The following ARHGEF1 variants were observed in gnomAD, a reference collection of about 807,000 sequenced individuals.
ARHGEF1 encodes Rho guanine nucleotide exchange factor 1.
In ARHGEF1, 40 loss-of-function variants were observed where a neutral mutation model predicts 119.7. The ratio of observed to expected loss-of-function variants is 0.33; its 90% confidence interval spans 0.26 to 0.44. The LOEUF (loss-of-function observed/expected upper bound fraction) is 0.44, where lower values mean the gene tolerates loss of function less well. Ranked by LOEUF, ARHGEF1 falls within the 20% of genes least tolerant of loss-of-function variation. The probability of loss-of-function intolerance (pLI) is 1.00; values close to 1 mark genes in which losing one functional copy is unlikely to be tolerated. For missense variants in ARHGEF1, 976 were observed against 1,268.3 expected, an observed-to-expected ratio of 0.77 and a Z score of 3.50; for synonymous variants, 494 against 521.0, an observed-to-expected ratio of 0.95 and a Z score of 0.71.
At chr19:41,914,381 A>C (rs1599673866) in intron 18 of ARHGEF1, among the ~76,000 whole-genome samples, 2 of 132,110 alleles carry the variant, frequency 1.5e-5, no homozygotes, top group Admixed American at 7.5e-5. Context: ...CTCTCTCCCC[A>C]CCTCACTGCC....
downstream of ARHGEF1, chr19:41,910,220 C>T: frequency 1.0e-6 from 1 of 979,012 alleles, no homozygotes; most frequent in Non-Finnish European, 1.5e-6. This position sits in a 1 kb window ranked among gnomAD's most constrained non-coding sequence, Gnocchi z 4.4. Context: ...TCTTTAGGGA[C>T]CTGGTTTCCA....
downstream of ARHGEF1, chr19:41,909,132 C>A: frequency 8.1e-7 from 1 of 1,231,912 alleles, no homozygotes; most frequent in African/African-American, 1.6e-5. The surrounding 1 kb of genome is among the most constrained non-coding windows in gnomAD (Gnocchi z 5.2). Context: ...GGTGTCCGGG[C>A]CCCTGGCTCT....
At chr19:41,895,850 G>A (rs1555847443) in intron 12 of ARHGEF1, among the ~76,000 whole-genome samples, 3 of 152,162 alleles carry the variant, frequency 2.0e-5, no homozygotes, top group African/African-American at 7.2e-5. Flanking sequence ...AGCCCCATGA[G>A]CTTCATCCCT....
At chr19:41,887,037 G>A (rs1222517463) in intron 1 of ARHGEF1, among the ~76,000 whole-genome samples, 1 of 152,226 alleles carries the variant, frequency 6.6e-6, no homozygotes, top group Non-Finnish European at 1.5e-5. Flanking sequence ...GAGAAAAAGG[G>A]ATGGAGAGAT....
Position 41,903,599 on chromosome 19 carries a change from C to A in ARHGEF1, c.1840-108C>A. The A allele has an allele frequency of 7.8e-7, 1 of 1,275,088 alleles. No homozygotes were observed. The highest frequency in any genetic ancestry group is 1.1e-6 in the Non-Finnish European group (1 of 902,244). 79.0% of individuals were successfully genotyped at this position (1,275,088 alleles called of 1,614,324 possible). A position where few individuals can be genotyped will look rare whatever the true frequency, so the allele number is the denominator to read the frequency against. On this transcript the variant is annotated intron_variant, in intron 19 of 28. Coordinates refer to ENST00000354532, the MANE Select transcript of ARHGEF1 (RefSeq NM_004706.4). The surrounding 1 kb of genome is among the most constrained non-coding windows in gnomAD (Gnocchi z 4.2). ...ATTGGAGGTCAGGCCCAACCCTCAG[C>A]TTGCCCGCATCAGAAGTTGGTCTTG... is the stretch of plus-strand genomic sequence containing the variant.
At chr19:41,930,035 C>T (rs782666002) in exon 3 of ARHGEF1, 34 of 152,208 alleles carry the variant, frequency 2.2e-4, no homozygotes, top group Admixed American at 1.4e-3. Flanking sequence ...AACCGCAGGG[C>T]GCATGGAGCA....
At chr19:41,914,710 A>C (rs868973051) in intron 18 of ARHGEF1, among the ~76,000 whole-genome samples, 1 of 4,212 alleles carries the variant, frequency 2.4e-4, no homozygotes, top group Non-Finnish European at 3.3e-4. Context: ...CCCTTCCACC[A>C]TCTCTGTCTC....
Position 41,904,086 on chromosome 19 carries a change from C to T in ARHGEF1, c.1969C>T (p.Arg657Trp). The T allele has an allele frequency of 1.2e-6, 2 of 1,614,132 alleles. No individual in the cohort carries two copies. Among genetic ancestry groups the T allele is most frequent in the Non-Finnish European group, 1.7e-6 (2 of 1,180,024 alleles). The change falls in exon 21 of 29, where the codon CGG becomes TGG. Residue 657 changes from arginine (R) to tryptophan (W), a missense_variant. By Grantham distance (101) the Arg-to-Trp change is moderately radical (BLOSUM62 -3). Coordinates refer to ENST00000354532, the MANE Select transcript of ARHGEF1 (RefSeq NM_004706.4). The surrounding 1 kb of genome is among the most constrained non-coding windows in gnomAD (Gnocchi z 8.4). ...GGTCCACGAGGGCCCACTGACGTGG[C>T]GGGTGACTAAGGACAAGGCAGTGGG... ...KLVHEGPLTW[R>W]VTKDKAVEVH...
intron 1 of ARHGEF1, among the ~76,000 whole-genome samples, chr19:41,887,477 G>C (rs1377156729): frequency 2.6e-5 from 4 of 152,082 alleles, no homozygotes; most frequent in African/African-American, 9.7e-5. Flanking sequence ...TCTGGGTTTG[G>C]GGACTCCCAG....
intron 1 of ARHGEF1, among the ~76,000 whole-genome samples, chr19:41,926,794 C>T (rs1470048030): frequency 1.3e-5 from 2 of 152,156 alleles, no homozygotes; most frequent in African/African-American, 2.4e-5. Context: ...AGCGACCGAT[C>T]GATTCGCTAT....
At chr19:41,908,922 G>T, downstream of ARHGEF1, 1 of 523,466 alleles carries the variant, frequency 1.9e-6, no homozygotes, top group Non-Finnish European at 2.9e-6. This position sits in a 1 kb window ranked among gnomAD's most constrained non-coding sequence, Gnocchi z 6.7. Flanking sequence ...CCTTTTCTGG[G>T]TTTTACACAC....
rs1555850267 is a variant in ARHGEF1 at position 41,906,608 on chromosome 19, G to A, written c.2643G>A (p.Met881Ile). 1.1e-5 allele frequency: 18 copies of A among 1,606,022 alleles called. No homozygotes were observed. Among genetic ancestry groups the A allele is most frequent in the Non-Finnish European group, 8.5e-7 (1 of 1,177,450 alleles). Residue 881 changes from methionine to isoleucine, a missense_variant, in exon 27 of 29, where the codon ATG becomes ATA. This residue lies in a region of ARHGEF1 where 171 missense variants were observed against 180.6 expected (regional missense o/e 0.95). Coordinates refer to ENST00000354532, the MANE Select transcript of ARHGEF1 (RefSeq NM_004706.4). This position sits in a 1 kb window ranked among gnomAD's most constrained non-coding sequence, Gnocchi z 4.5. ...ACCTGCTCAGCTTGGAGGAGACCAT[G>A]AAGCAGCTGGAGGTGGGGCGGGACG... Reference protein sequence around the residue: ...QENLLSLEETMKQLEELEEEF... With the variant: ...QENLLSLEETIKQLEELEEEF...
intron 1 of ARHGEF1, among the ~76,000 whole-genome samples, chr19:41,924,696 C>G (rs1398457811): frequency 6.6e-6 from 1 of 151,870 alleles, no homozygotes; most frequent in African/African-American, 2.4e-5. Flanking sequence ...CTGTGCAGTG[C>G]GGGGAGCAGG....
intron 1 of ARHGEF1, among the ~76,000 whole-genome samples, chr19:41,927,431 AAC>A (rs1396551756): frequency 6.6e-6 from 1 of 151,904 alleles, no homozygotes; most frequent in African/African-American, 2.4e-5. Flanking sequence ...CTTAGCTTTG[AAC>A]TCCAACTCCA....
At chr19:41,920,739 C>T (rs1486190398), upstream of ARHGEF1, among the ~76,000 whole-genome samples, 2 of 152,236 alleles carry the variant, frequency 1.3e-5, no homozygotes, top group Non-Finnish European at 2.9e-5. Flanking sequence ...TCTTCTGCCT[C>T]GACTGCACTG....
At chr19:41,884,470 G>A (rs1555844901) in intron 1 of ARHGEF1, 1 of 1,607,434 alleles carries the variant, frequency 6.2e-7, no homozygotes, top group South Asian at 1.1e-5. Context: ...TGGCGGCGAT[G>A]GCTTCTCTTT....
chr19:41,894,366 A>G, intron 9 of ARHGEF1, 60 bp downstream of exon 9: 1 of 1,513,274 alleles, frequency 6.6e-7, no homozygotes, highest in Non-Finnish European at 8.9e-7. Context: ...TGGGAGCCTC[A>G]TGACTCTGGA....
intron 8 of ARHGEF1, 98 bp downstream of exon 8, chr19:41,893,401 G>A: frequency 5.4e-6 from 4 of 737,330 alleles, no homozygotes; most frequent in South Asian, 3.0e-5. Context: ...AGGCTGGGGG[G>A]CCTGGACGCC....
In ARHGEF1 at chr19:41,907,397, C is replaced by T; in HGVS notation, c.*310C>T. ...ACCCCCACCCCCAAGTGCCTTCGCT[C>T]TGTTTTTATACCCTGAATTGGAGGT... On this transcript the variant is annotated 3_prime_UTR_variant, in exon 29 of 29. Coordinates refer to ENST00000354532, the MANE Select transcript of ARHGEF1 (RefSeq NM_004706.4). The T allele has an allele frequency of 1.3e-6, 2 of 1,534,702 alleles. No individual in the cohort carries two copies. The highest frequency in any genetic ancestry group is 1.2e-5 in the South Asian group (1 of 83,956).
Sources: allele counts gnomAD v4.1 joint callset (sites outside exome capture counted in the v4.1 genomes callset), GRCh38; gene constraint gnomAD v4.1.1; regional missense constraint gnomAD v4.1.1; non-coding constraint Gnocchi (gnomAD v3.1); transcripts MANE v1.5; gene names NCBI Gene and HGNC (gene_info 2026-07-23, HGNC 2026-07-21).